Variants in SPTBN1 observed in about 807,000 individuals in gnomAD.
SPTBN1 encodes the protein spectrin beta chain, non-erythrocytic 1.
SPTBN1 carries 32 observed loss-of-function variants against 266.4 expected under a neutral mutation model. The ratio of observed to expected loss-of-function variants is 0.12; its 90% CI spans 0.09 to 0.16. SPTBN1 has a LOEUF of 0.16. Among genes scored for constraint, SPTBN1 ranks in the 10% least tolerant of loss-of-function variants. The pLI is 1.00. For synonymous variants in SPTBN1, 1,336 were observed against 1,162.2 expected, an observed-to-expected ratio of 1.15 and a Z score of -3.04; for missense variants, 2,296 against 3,067.1, an observed-to-expected ratio of 0.75 and a Z score of 5.94.
intron 1 of SPTBN1, among the ~76,000 whole-genome samples, chr2:54,495,769 T>C (rs1399989242): frequency 1.3e-5 from 2 of 152,170 alleles, no homozygotes. Context: ...CTACATATTA[T>C]ATGTATGGTG....
At position 54,558,772 on chromosome 2, in the gene SPTBN1, G is replaced by A. The variant is rs1673064332; in HGVS notation, c.148+32206G>A. ...GCGCAGTCCTCCGGGGCGTTACGCCGGGCATAATGGAATTGCAGAGGACGT... is the reference window on the plus strand; with the variant it reads ...GCGCAGTCCTCCGGGGCGTTACGCCAGGCATAATGGAATTGCAGAGGACGT... On this transcript the variant is annotated intron_variant, in intron 2 of 35. Coordinates refer to ENST00000356805, the MANE Select transcript of SPTBN1 (RefSeq NM_003128.3). This position sits in a 1 kb window ranked among gnomAD's most constrained non-coding sequence, Gnocchi z 4.6. 1 of 1,611,442 alleles carries A rather than the reference G, an allele frequency of 6.2e-7. No homozygotes were observed. The highest frequency in any genetic ancestry group is 8.5e-7 in the Non-Finnish European group (1 of 1,178,350).
chr2:54,509,063 A>AG (rs1222419785), intron 1 of SPTBN1, among the ~76,000 whole-genome samples: 3 of 152,130 alleles, frequency 2.0e-5, no homozygotes, highest in Non-Finnish European at 4.4e-5. Flanking sequence ...GAGGTAATGG[A>AG]GGGGGGCAGA....
intron 2 of SPTBN1, among the ~76,000 whole-genome samples, chr2:54,575,180 A>C (rs10191357): frequency 0.044 from 6,650 of 152,318 alleles, 456 homozygotes; most frequent in African/African-American, 0.15. Context: ...TTTTAAATCC[A>C]GAGCGTTGTG....
chr2:54,506,779 T>A (rs749411899), intron 1 of SPTBN1, among the ~76,000 whole-genome samples: 3 of 151,856 alleles, frequency 2.0e-5, no homozygotes, highest in Non-Finnish European at 4.4e-5. Context: ...GTGCGTGCTA[T>A]GAAAAAACAA....
chr2:54,485,933 G>A (rs1386289598), intron 1 of SPTBN1, among the ~76,000 whole-genome samples: 5 of 151,326 alleles, frequency 3.3e-5, no homozygotes, highest in African/African-American at 9.7e-5. Flanking sequence ...CGTCTGAGAA[G>A]TGAGGAGACC....
chr2:54,610,147 T>A (rs1573523354), intron 3 of SPTBN1, among the ~76,000 whole-genome samples: 1 of 151,850 alleles, frequency 6.6e-6, no homozygotes, highest in South Asian at 2.1e-4. Context: ...AAGCTGCTTC[T>A]CCCAATTCCT....
At chr2:54,598,960 G>A (rs1274205491) in intron 2 of SPTBN1, 132 bp from the exon 3 acceptor site, 15 of 875,648 alleles carry the variant, frequency 1.7e-5, no homozygotes, top group Admixed American at 9.7e-5. Flanking sequence ...GTTAAGGGGC[G>A]CTAAGTAGAG....
intron 18 of SPTBN1, 55 bp downstream of exon 18, chr2:54,637,858 C>G: frequency 1.4e-6 from 2 of 1,420,792 alleles, no homozygotes; most frequent in South Asian, 2.4e-5. Flanking sequence ...CAATTGCCAG[C>G]CAGCATTTAG....
chr2:54,485,807 C>T (rs1173383827), intron 1 of SPTBN1, among the ~76,000 whole-genome samples: 2 of 151,262 alleles, frequency 1.3e-5, no homozygotes, highest in Admixed American at 6.6e-5. Flanking sequence ...CCCGGCCGCC[C>T]GTCGTCTGAG....
At chr2:54,525,278 C>G (rs1056143442) in intron 1 of SPTBN1, among the ~76,000 whole-genome samples, 2 of 151,956 alleles carry the variant, frequency 1.3e-5, no homozygotes, top group African/African-American at 2.4e-5. Flanking sequence ...GAGTTTTGCT[C>G]CTGTTGCCCA....
At chr2:54,512,876 G>A (rs938406096) in intron 1 of SPTBN1, among the ~76,000 whole-genome samples, 1 of 152,158 alleles carries the variant, frequency 6.6e-6, no homozygotes, top group South Asian at 2.1e-4. Flanking sequence ...TATGGCTTAG[G>A]TGCCATGCTG....
intron 1 of SPTBN1, among the ~76,000 whole-genome samples, chr2:54,481,417 TG>T (rs1558763946): frequency 1.1e-3 from 162 of 151,204 alleles, no homozygotes; most frequent in African/African-American, 3.5e-3. Flanking sequence ...TGTGTGTGTG[TG>T]TGTGTGTGTG....
At chr2:54,491,372 A>G (rs1223566930) in intron 1 of SPTBN1, among the ~76,000 whole-genome samples, 2 of 152,232 alleles carry the variant, frequency 1.3e-5, no homozygotes, top group Non-Finnish European at 2.9e-5. Context: ...TTTCATTACC[A>G]ACTAGATAAT....
At position 54,628,221 on chromosome 2, in the gene SPTBN1, C is replaced by G; in HGVS notation, c.1769C>G (p.Ser590Cys). ...QAERVRGVNA[S>C]AQKFATDGEG... ...GAGCGGGTGAGAGGTGTCAATGCCT[C>G]CGCCCAGAAGTTCGCAACAGACGGG... Residue 590 changes from serine (S) to cysteine (C), a missense_variant, in exon 13 of 36, where the codon TCC (serine) becomes TGC (cysteine). Around this residue, in one of 12 missense-constraint regions of SPTBN1, gnomAD observed 434 missense variants for 573.9 expected, o/e 0.76. Transcript: ENST00000356805. The surrounding 1 kb of genome is among the most constrained non-coding windows in gnomAD (Gnocchi z 4.3). The G allele has an allele frequency of 6.2e-7, 1 of 1,613,756 alleles. No homozygotes were observed. Among genetic ancestry groups the G allele is most frequent in the Non-Finnish European group, 8.5e-7 (1 of 1,179,816 alleles).
intron 1 of SPTBN1, among the ~76,000 whole-genome samples, chr2:54,511,874 AAATAAT>A (rs1050753018): frequency 2.0e-5 from 3 of 152,134 alleles, no homozygotes; most frequent in East Asian, 1.9e-4. Context: ...CCATCTCAAA[AAATAAT>A]AATAATAATA....
In SPTBN1 at chr2:54,628,794, T is replaced by C. The variant is rs777963406; in HGVS notation, c.1799-139T>C. On this transcript the variant is annotated intron_variant, in intron 13 of 35. Coordinates refer to ENST00000356805, the MANE Select transcript of SPTBN1 (RefSeq NM_003128.3). The surrounding 1 kb of genome is among the most constrained non-coding windows in gnomAD (Gnocchi z 4.3). Reference sequence around the variant, plus strand: ...GTTGTTAGAAGGTGCTCCATTGCCTTATCGCATGGCCCTGCATTTACATTT... The same window carrying C: ...GTTGTTAGAAGGTGCTCCATTGCCTCATCGCATGGCCCTGCATTTACATTT... 3 of 1,138,428 alleles carry C rather than the reference T, an allele frequency of 2.6e-6. No homozygotes were observed. The highest frequency in any genetic ancestry group is 3.6e-6 in the Non-Finnish European group (3 of 824,236). The allele number at this position is 1,138,428 out of a possible 1,614,324, so 70.5% of individuals were successfully genotyped here. A position where few individuals can be genotyped will look rare whatever the true frequency, so the allele number is the denominator to read the frequency against.
intron 1 of SPTBN1, among the ~76,000 whole-genome samples, chr2:54,494,981 T>C (rs62140272): frequency 0.074 from 11,279 of 152,070 alleles, 529 homozygotes; most frequent in Middle Eastern, 0.14. Context: ...CACCGTTCTT[T>C]ATATCTCATC....
At chr2:54,657,484 G>C (rs578073767) in intron 29 of SPTBN1, among the ~76,000 whole-genome samples, 1 of 152,332 alleles carries the variant, frequency 6.6e-6, no homozygotes, top group Admixed American at 6.5e-5. Context: ...ATTGAGATGG[G>C]CAGTGAATGT....
At chr2:54,641,466 G>T (rs1679552400) in intron 18 of SPTBN1, among the ~76,000 whole-genome samples, 1 of 152,198 alleles carries the variant, frequency 6.6e-6, no homozygotes, top group African/African-American at 2.4e-5. Context: ...TTTCCCCTAA[G>T]ATTGAATAGC....
Sources: gnomAD v4.1 joint callset for allele counts (sites outside exome capture counted in the v4.1 genomes callset) on GRCh38, gnomAD v4.1.1 for gene constraint, gnomAD v4.1.1 regional missense constraint, Gnocchi (gnomAD v3.1) non-coding constraint, MANE v1.5 for transcripts, NCBI Gene and HGNC (gene_info 2026-07-23, HGNC 2026-07-21) for gene names.